The following CMIP variants were observed in gnomAD, a reference collection of about 807,000 sequenced individuals.
CMIP encodes C-Maf-inducing protein.
A neutral mutation model predicts 97.3 loss-of-function variants in CMIP; 13 were observed. The ratio of observed to expected loss-of-function variants is 0.13; its 90% confidence interval spans 0.09 to 0.21. The LOEUF (loss-of-function observed/expected upper bound fraction) is 0.21, where lower values mean the gene tolerates loss of function less well. Ranked by LOEUF, CMIP falls within the 10% of genes least tolerant of loss-of-function variation. The pLI, the probability that CMIP is intolerant of heterozygous loss-of-function variation, is 1.00. For missense variants in CMIP, 847 were observed against 1,024.9 expected (o/e 0.83, Z 2.37); for synonymous variants, 538 against 436.3 (o/e 1.23, Z -2.91).
At chr16:81,583,874 G>A (rs939751312) in intron 1 of CMIP, among the ~76,000 whole-genome samples, 1 of 152,180 alleles carries the variant, frequency 6.6e-6, no homozygotes, top group Non-Finnish European at 1.5e-5. Context: ...TTTGAGTTGT[G>A]TTTTGGGAAG....
intron 1 of CMIP, among the ~76,000 whole-genome samples, chr16:81,583,031 C>T (rs933293317): frequency 6.6e-6 from 1 of 152,214 alleles, no homozygotes; most frequent in South Asian, 2.1e-4. Flanking sequence ...CTGCTTAAAG[C>T]GAGGAAAGAA....
intron 9 of CMIP, among the ~76,000 whole-genome samples, chr16:81,677,205 C>A (rs979969760): frequency 1.3e-5 from 2 of 152,054 alleles, no homozygotes; most frequent in Non-Finnish European, 2.9e-5. Context: ...AGGAGGGGAC[C>A]TGCACAGCTC....
In CMIP at chr16:81,509,388, G is replaced by A. The variant is rs138350948; in HGVS notation, c.300+63847G>A. ...GGGCTTGCTTCCTGTCACCTAGCTCGGCATAACACATTGGTGGGAGTTTGG... is the reference window on the plus strand; with the variant it reads ...GGGCTTGCTTCCTGTCACCTAGCTCAGCATAACACATTGGTGGGAGTTTGG... On this transcript the variant is annotated intron_variant, in intron 1 of 20. Transcript: ENST00000537098. 5.3e-5 allele frequency among the ~76,000 whole-genome samples: 8 copies of A among 152,288 alleles called. No individual in the cohort carries two copies. The East Asian group carries it at 5.8e-4, about 11-fold the overall frequency.
intron 5 of CMIP, 143 bp from the exon 6 acceptor site, chr16:81,660,740 TC>T: frequency 1.1e-6 from 1 of 915,992 alleles, no homozygotes; most frequent in Non-Finnish European, 1.7e-6. Context: ...TCTTTTTTTT[TC>T]TGCTTTTAAT....
At chr16:81,509,019 G>C (rs147101127) in intron 1 of CMIP, among the ~76,000 whole-genome samples, 1 of 152,160 alleles carries the variant, frequency 6.6e-6, no homozygotes, top group Non-Finnish European at 1.5e-5. Flanking sequence ...CTTTCCCTTA[G>C]CCTTAAGAGC....
At position 81,655,519 on chromosome 16, in the gene CMIP, G is replaced by A. The variant is rs1284607686; in HGVS notation, c.640-2256G>A. ...TAATGCAGTGGCTATTGGTGGACAT[G>A]CTCTACCAGGGGTGGAAAATGGCCC... On this transcript the variant is annotated intron_variant, in intron 4 of 20. Transcript: ENST00000537098. This position sits in a 1 kb window ranked among gnomAD's most constrained non-coding sequence, Gnocchi z 4.9. Among the ~76,000 whole-genome samples, 1 of 152,218 alleles carries A rather than the reference G, an allele frequency of 6.6e-6. No homozygotes were observed. The highest frequency in any genetic ancestry group is 1.9e-4 in the East Asian group (1 of 5,202).
At chr16:81,504,621 C>T (rs1478015934) in intron 1 of CMIP, among the ~76,000 whole-genome samples, 3 of 117,990 alleles carry the variant, frequency 2.5e-5, no homozygotes, top group South Asian at 2.7e-4. Context: ...CCAGCCTCGG[C>T]GACAGAGTGA....
chr16:81,523,427 G>C (rs951918527), intron 1 of CMIP, among the ~76,000 whole-genome samples: 2 of 152,150 alleles, frequency 1.3e-5, no homozygotes. Context: ...ACAGAAGGAC[G>C]TGGGGCCCAC....
intron 1 of CMIP, among the ~76,000 whole-genome samples, chr16:81,565,999 C>T (rs2911278): frequency 0.38 from 58,071 of 151,992 alleles, 12,794 homozygotes; most frequent in Non-Finnish European, 0.49. Flanking sequence ...AGACTCCAGG[C>T]GAGAAACTCG....
intron 1 of CMIP, among the ~76,000 whole-genome samples, chr16:81,530,569 T>C (rs2090213866): frequency 6.6e-6 from 1 of 152,116 alleles, no homozygotes; most frequent in South Asian, 2.1e-4. Flanking sequence ...GTCTCTTGCC[T>C]CTGCTCACAA....
At chr16:81,653,858 C>T (rs2092455264) in intron 4 of CMIP, among the ~76,000 whole-genome samples, 1 of 152,250 alleles carries the variant, frequency 6.6e-6, no homozygotes. Context: ...AATGGTCCAT[C>T]TGCCTTGGCC....
At chr16:81,480,830 G>T (rs1908215339) in intron 1 of CMIP, among the ~76,000 whole-genome samples, 1 of 152,192 alleles carries the variant, frequency 6.6e-6, no homozygotes, top group African/African-American at 2.4e-5. Context: ...GGGGTGGTTT[G>T]CCTCACTTAT....
At chr16:81,645,551 T>A in intron 3 of CMIP, 1 of 1,536,040 alleles carries the variant, frequency 6.5e-7, no homozygotes, top group Non-Finnish European at 8.7e-7. Flanking sequence ...CTGGCATATG[T>A]GCTTGCCTCT....
At chr16:81,463,475 C>T (rs919311446) in intron 1 of CMIP, among the ~76,000 whole-genome samples, 18 of 152,178 alleles carry the variant, frequency 1.2e-4, no homozygotes, top group African/African-American at 3.4e-4. Context: ...TTTGGCGGGA[C>T]GGCGGTTGTG....
chr16:81,701,304 A>G (rs1907373105), intron 15 of CMIP, among the ~76,000 whole-genome samples: 1 of 152,154 alleles, frequency 6.6e-6, no homozygotes, highest in African/African-American at 2.4e-5. Context: ...CCACTGGGGA[A>G]GGAACTGGGG....
At chr16:81,495,636 C>T (rs1268858209) in intron 1 of CMIP, 9 of 779,690 alleles carry the variant, frequency 1.2e-5, no homozygotes, top group Middle Eastern at 2.3e-4. Context: ...ATCTGAGAGA[C>T]CCCAGGCCCC....
intron 1 of CMIP, among the ~76,000 whole-genome samples, chr16:81,537,184 G>A (rs895761925): frequency 6.6e-6 from 1 of 152,304 alleles, no homozygotes; most frequent in East Asian, 1.9e-4. Flanking sequence ...ATGTTCACGT[G>A]TGAGCCTGCC....
chr16:81,653,048 G>C (rs1299625854), intron 4 of CMIP, among the ~76,000 whole-genome samples: 1 of 152,210 alleles, frequency 6.6e-6, no homozygotes, highest in Non-Finnish European at 1.5e-5. Context: ...CTGTTGGTTA[G>C]GCAGAAGGCG....
chr16:81,558,839 G>C (rs561163620), intron 1 of CMIP, among the ~76,000 whole-genome samples: 117 of 152,332 alleles, frequency 7.7e-4, no homozygotes, highest in African/African-American at 2.7e-3. Flanking sequence ...TAGGCCCACT[G>C]TTCCTCCCGC....
Sources: allele counts gnomAD v4.1 joint callset (sites outside exome capture counted in the v4.1 genomes callset), GRCh38; gene constraint gnomAD v4.1.1; non-coding constraint Gnocchi (gnomAD v3.1); transcripts MANE v1.5; gene names NCBI Gene and HGNC (gene_info 2026-07-23, HGNC 2026-07-21).